Variants in OR4C6 observed in about 807,000 individuals in gnomAD.
The protein encoded by OR4C6 is olfactory receptor 4C6.
OR4C6 carries 20 observed loss-of-function variants against 13.9 expected under a neutral mutation model. That is an observed-to-expected ratio of 1.43 (90% CI 1.01 to 2.08). The LOEUF is 2.08. OR4C6 is among the 30% of genes most tolerant of loss of function. The probability of loss-of-function intolerance (pLI) is 0.00; values close to 1 mark genes in which losing one functional copy is unlikely to be tolerated. For missense variants in OR4C6, 555 were observed against 381.2 expected (o/e 1.46, Z -3.80); for synonymous variants, 193 against 141.5 (o/e 1.36, Z -2.58).
chr11:55,664,447 C>A (rs1858709246), intron 1 of OR4C6, among the ~76,000 whole-genome samples: 1 of 151,942 alleles, frequency 6.6e-6, no homozygotes, highest in Non-Finnish European at 1.5e-5. Context: ...TATATAGTAA[C>A]TACTTTTAGG....
chr11:55,664,393 A>G (rs1373703410), intron 1 of OR4C6, among the ~76,000 whole-genome samples: 2 of 152,074 alleles, frequency 1.3e-5, no homozygotes, highest in Non-Finnish European at 2.9e-5. Flanking sequence ...TTGCTGAACC[A>G]TGATGGTTTA....
At position 55,662,851 on chromosome 11, in the gene OR4C6, C is replaced by T. The variant is rs1858686911; in HGVS notation, c.-43+603C>T. Among the ~76,000 whole-genome samples, 7 of 138,978 alleles carry T rather than the reference C, an allele frequency of 5.0e-5. 2 individuals carry two copies. The South Asian group carries it at 1.6e-3, about 33-fold the overall frequency. The allele number at this position is 138,978 out of a possible 152,430, so 91.2% of individuals were successfully genotyped here. ...GAGGCAAAGGAGTTGGTAGCCTGGGCATCGGAGTTAGTCACATGCCTGCAA... is the reference window on the plus strand; with the variant it reads ...GAGGCAAAGGAGTTGGTAGCCTGGGTATCGGAGTTAGTCACATGCCTGCAA... On this transcript the variant is annotated intron_variant, in intron 1 of 1. Transcript: ENST00000314259.
chr11:55,663,474 A>G lies in OR4C6; in HGVS notation c.-43+1226A>G, dbSNP rs1315292969. Among the ~76,000 whole-genome samples the G allele has an allele frequency of 1.4e-5, 2 of 138,244 alleles. 1 individual carries two copies. The highest frequency in any genetic ancestry group is 5.0e-5 in the African/African-American group (2 of 39,652). 90.7% of individuals were successfully genotyped at this position (138,244 alleles called of 152,430 possible). Reference sequence around the variant, plus strand: ...AAGGAAATCCTACCCAGAGACATAAACAATTAATGCAAATAACAACTGAGT... The same window carrying G: ...AAGGAAATCCTACCCAGAGACATAAGCAATTAATGCAAATAACAACTGAGT... On this transcript the variant is annotated intron_variant, in intron 1 of 1. Transcript: ENST00000314259.
At chr11:55,664,986 A>G (rs1858717592) in intron 1 of OR4C6, 139 bp from the exon 2 acceptor site, 1 of 537,858 alleles carries the variant, frequency 1.9e-6, no homozygotes, top group Non-Finnish European at 3.3e-6. Context: ...CTTTTAAATT[A>G]TTTATTTAGC....
intron 1 of OR4C6, 30 bp from the exon 2 acceptor site, chr11:55,665,095 C>A (rs1037131157): frequency 6.7e-5 from 65 of 970,884 alleles, no homozygotes; most frequent in Non-Finnish European, 9.3e-5. Context: ...AAATTAGTCA[C>A]TAATTATAAA....
Position 55,665,899 on chromosome 11 carries a change from G to A in OR4C6, c.733G>A (p.Val245Ile). 1 of 1,613,932 alleles carries A rather than the reference G, an allele frequency of 6.2e-7. No individual in the cohort carries two copies. Among genetic ancestry groups the A allele is most frequent in the Non-Finnish European group, 8.5e-7 (1 of 1,180,002 alleles). ...TACCTGCAGCTCCCACCTCACGGTG[G>A]TTGTATTGTTCTTTGTCCCCTGTAT... is the stretch of plus-strand genomic sequence containing the variant. ...LSTCSSHLTV[V>I]VLFFVPCIFL... The change falls in exon 2 of 2, where the codon GTT becomes ATT. Residue 245 changes from valine (V) to isoleucine (I), a missense_variant. Transcript: ENST00000314259.
rs749196645 is a variant in OR4C6 at position 55,665,536 on chromosome 11, A to G, written c.370A>G (p.Ile124Val). Reference protein sequence around the residue: ...TVMAYDRYVAICKPLHYTIIM... With the variant: ...TVMAYDRYVAVCKPLHYTIIM... ...GATGGCCTATGACCGCTACGTGGCC[A>G]TCTGTAAGCCCCTGCACTACACGAT... Residue 124 changes from isoleucine to valine, a missense_variant, in exon 2 of 2, where the codon ATC becomes GTC. Ile to Val is a conservative substitution (Grantham distance 29). Coordinates refer to ENST00000314259, the MANE Select transcript of OR4C6 (RefSeq NM_001004704.2). The G allele has an allele frequency of 1.2e-6, 2 of 1,613,850 alleles. No homozygotes were observed. Among genetic ancestry groups the G allele is most frequent in the Non-Finnish European group, 1.7e-6 (2 of 1,180,014 alleles).
chr11:55,664,044 C>T (rs1858701978), intron 1 of OR4C6, among the ~76,000 whole-genome samples: 1 of 93,406 alleles, frequency 1.1e-5, no homozygotes, highest in African/African-American at 3.1e-5. Context: ...GTGGGATATA[C>T]TAGGTATGAA....
In OR4C6 at chr11:55,665,975, C is replaced by T. The variant is rs1858746232; in HGVS notation, c.809C>T (p.Ala270Val). The change falls in exon 2 of 2, where the codon GCT becomes GTT. Residue 270 changes from alanine to valine, a missense_variant. By Grantham distance (64) the Ala-to-Val change is moderately conservative. Coordinates refer to ENST00000314259, the MANE Select transcript of OR4C6 (RefSeq NM_001004704.2). ...VVTHPIDKAM[A>V]VSDSIITPML... is the part of the protein sequence containing the mutation. ...ACTCACCCCATAGACAAGGCAATGG[C>T]TGTGTCAGACTCAATCATCACACCC... 1 of 1,613,018 alleles carries T rather than the reference C, an allele frequency of 6.2e-7. No homozygotes were observed. Among genetic ancestry groups the T allele is most frequent in the African/African-American group, 1.3e-5 (1 of 74,742 alleles).
In OR4C6 at chr11:55,663,092, A is replaced by T. The variant is rs1231717890; in HGVS notation, c.-43+844A>T. On this transcript the variant is annotated intron_variant, in intron 1 of 1. Coordinates refer to ENST00000314259, the MANE Select transcript of OR4C6 (RefSeq NM_001004704.2). ...GAAATTGAGGACTGGGGAGGTTGAG[A>T]TTACAAAGCCAGTATGTAGCCTGGC... Among the ~76,000 whole-genome samples the T allele has an allele frequency of 2.0e-4, 28 of 138,362 alleles. 2 individuals are homozygous for T. Among genetic ancestry groups the T allele is most frequent in the African/African-American group, 7.1e-4 (28 of 39,664 alleles). 90.8% of individuals were successfully genotyped at this position (138,362 alleles called of 152,430 possible).
chr11:55,665,131 C>A lies in OR4C6; in HGVS notation c.-36C>A. ...TCATATCTTGCTTATTTAGGATTCT[C>A]AACTCTCAGCTGGAACTCATATCAA... On this transcript the variant is annotated 5_prime_UTR_variant, in exon 2 of 2. Transcript: ENST00000314259. 2 of 1,326,988 alleles carry A rather than the reference C, an allele frequency of 1.5e-6. No homozygotes were observed. The highest frequency in any genetic ancestry group is 1.3e-5 in the South Asian group (1 of 76,492). The allele number at this position is 1,326,988 out of a possible 1,614,324, so 82.2% of individuals were successfully genotyped here. A position where few individuals can be genotyped will look rare whatever the true frequency, so the allele number is the denominator to read the frequency against.
chr11:55,665,420 C>G lies in OR4C6; in HGVS notation c.254C>G (p.Ser85Cys), dbSNP rs367721616. Residue 85 changes from serine (S) to cysteine (C), a missense_variant, in exon 2 of 2, where the codon TCC becomes TGC. Transcript: ENST00000314259. ...VAPKVIVDTL[S>C]KSTTISLKGC... The stretch of plus-strand genomic sequence containing the variant: ...CCCAAGGTGATTGTAGACACCCTCT[C>G]CAAGAGCACTACCATCTCTCTCAAA... 17 of 1,613,730 alleles carry G rather than the reference C, an allele frequency of 1.1e-5. No individual in the cohort carries two copies. The African/African-American group carries it at 2.1e-4, about 20-fold the overall frequency.
chr11:55,663,498 G>T (rs1476197334), intron 1 of OR4C6, among the ~76,000 whole-genome samples: 4 of 138,322 alleles, frequency 2.9e-5, no homozygotes, highest in Non-Finnish European at 6.4e-5. Context: ...TAACAACTGA[G>T]TGTTTGTGTT....
rs376063523 is a variant in OR4C6, at chr11:55,665,734, A to T, written c.568A>T (p.Thr190Ser). The change falls in exon 2 of 2, where the codon ACC (threonine) becomes TCC (serine). Residue 190 changes from threonine to serine, a missense_variant. Thr to Ser is a moderately conservative substitution (Grantham distance 58, BLOSUM62 1). Transcript: ENST00000314259. ...GTTGTTGACACTTGCCTGCACGGAC[A>T]CCCACATCCTGGGCCTCTTAGTTAC... is the stretch of plus-strand genomic sequence containing the variant. ...FQLLTLACTD[T>S]HILGLLVTLN... 1.3e-4 allele frequency: 216 copies of T among 1,613,788 alleles called. No individual in the cohort carries two copies. Among genetic ancestry groups the T allele is most frequent in the Non-Finnish European group, 1.8e-4 (209 of 1,179,998 alleles).
chr11:55,662,624 G>C (rs1410310482), intron 1 of OR4C6, among the ~76,000 whole-genome samples: 10 of 138,936 alleles, frequency 7.2e-5, no homozygotes, highest in African/African-American at 2.5e-4. Context: ...TATTCAGACT[G>C]GTGAAAGTGG....
At chr11:55,664,996 C>A (rs1376791851) in intron 1 of OR4C6, 129 bp from the exon 2 acceptor site, 33 of 560,594 alleles carry the variant, frequency 5.9e-5, no homozygotes, top group Middle Eastern at 4.1e-4. Flanking sequence ...ATTTATTTAG[C>A]ACATTCTTAG....
rs772626217 is a variant in OR4C6 at position 55,665,807 on chromosome 11, C to G, written c.641C>G (p.Ala214Gly). The G allele has an allele frequency of 6.2e-7, 1 of 1,613,792 alleles. No homozygotes were observed. The highest frequency in any genetic ancestry group is 8.5e-7 in the Non-Finnish European group (1 of 1,180,014). ...MCVAIFLILI[A>G]SYTVILCSLK... The stretch of plus-strand genomic sequence containing the variant: ...GTGGCCATCTTTCTTATCTTAATTG[C>G]GTCCTACACGGTCATCCTATGCTCC... Residue 214 changes from alanine to glycine, a missense_variant, in exon 2 of 2, where the codon GCG (alanine) becomes GGG (glycine). Transcript: ENST00000314259.
intron 1 of OR4C6, among the ~76,000 whole-genome samples, chr11:55,664,238 C>A (rs1271495350): frequency 2.0e-5 from 3 of 151,990 alleles, no homozygotes; most frequent in African/African-American, 7.3e-5. Context: ...TAGTGCCCAG[C>A]AGCATTGTTA....
Position 55,665,182 on chromosome 11 carries a change from A to T in OR4C6, c.16A>T (p.Asn6Tyr), listed in dbSNP as rs780528603. ...CACCTGAGAAATGGAAAATCAAAACAATGTGACTGAATTCATTCTTCTGGG... is the reference window on the plus strand; with the variant it reads ...CACCTGAGAAATGGAAAATCAAAACTATGTGACTGAATTCATTCTTCTGGG... MENQNNVTEFILLGLT... is the reference protein window; with the variant it reads MENQNYVTEFILLGLT... Residue 6 changes from asparagine to tyrosine, a missense_variant, in exon 2 of 2, where the codon AAT (asparagine) becomes TAT (tyrosine). Coordinates refer to ENST00000314259, the MANE Select transcript of OR4C6 (RefSeq NM_001004704.2). The T allele has an allele frequency of 4.4e-6, 7 of 1,608,690 alleles. No homozygotes were observed. In the South Asian group the frequency reaches 7.7e-5, roughly 18 times the overall value.
Sources: allele counts gnomAD v4.1 joint callset (sites outside exome capture counted in the v4.1 genomes callset), GRCh38; gene constraint gnomAD v4.1.1; transcripts MANE v1.5; gene names NCBI Gene and HGNC (gene_info 2026-07-23, HGNC 2026-07-21).